Variants in BTBD9 observed in about 807,000 individuals in gnomAD.
The protein encoded by BTBD9 is BTB domain containing 9.
In BTBD9, 49 loss-of-function variants were observed where a neutral mutation model predicts 64.3. The ratio of observed to expected loss-of-function variants is 0.76; its 90% CI spans 0.61 to 0.97. BTBD9 has a LOEUF of 0.97. Among genes scored for constraint, BTBD9 ranks in the 50% least tolerant of loss-of-function variants. The probability of loss-of-function intolerance (pLI) is 0.00; values close to 1 mark genes in which losing one functional copy is unlikely to be tolerated. For synonymous variants in BTBD9, 260 were observed against 274.7 expected, an observed-to-expected ratio of 0.95 and a Z score of 0.53; for missense variants, 598 against 762.1, an observed-to-expected ratio of 0.78 and a Z score of 2.53.
intron 6 of BTBD9, among the ~76,000 whole-genome samples, chr6:38,450,771 C>T (rs1769502059): frequency 6.6e-6 from 1 of 152,106 alleles, no homozygotes; most frequent in African/African-American, 2.4e-5. Context: ...AATGCAAGTT[C>T]CTGAATCACT....
rs1405870898 is a variant in BTBD9 at position 38,580,293 on chromosome 6, G to C, written c.959C>G (p.Ser320Cys). The C allele has an allele frequency of 2.5e-6, 4 of 1,614,038 alleles. No individual in the cohort carries two copies. Among genetic ancestry groups the C allele is most frequent in the African/African-American group, 1.3e-5 (1 of 74,914 alleles). Residue 320 changes from serine (S) to cysteine (C), a missense_variant, in exon 5 of 11, where the codon TCC becomes TGC. Ser to Cys is a moderately radical substitution (Grantham distance 112). Transcript: ENST00000481247. ...SRHPIDDDCR[S>C]GIEIKLGQPS... ...CTGACCTAGCTTAATCTCGATGCCG[G>C]AACGGCAGTCATCATCAATTGGGTG...
chr6:38,401,030 G>A (rs373635931), intron 6 of BTBD9, among the ~76,000 whole-genome samples: 1 of 152,070 alleles, frequency 6.6e-6, no homozygotes, highest in African/African-American at 2.4e-5. Context: ...CTCTGTCATA[G>A]CACCCTGTTC....
At chr6:38,348,279 G>A (rs1764366816) in intron 6 of BTBD9, among the ~76,000 whole-genome samples, 1 of 152,222 alleles carries the variant, frequency 6.6e-6, no homozygotes, top group African/African-American at 2.4e-5. Context: ...CAAAACGGGA[G>A]AAGTAGGTAT....
intron 8 of BTBD9, among the ~76,000 whole-genome samples, chr6:38,264,257 AG>A (rs1561943634): frequency 6.6e-6 from 1 of 152,200 alleles, no homozygotes; most frequent in Non-Finnish European, 1.5e-5. Context: ...GATACAGGCC[AG>A]GGTCAGAGAA....
At chr6:38,639,427 C>A (rs2127539628) in intron 1 of BTBD9, among the ~76,000 whole-genome samples, 1 of 152,266 alleles carries the variant, frequency 6.6e-6, no homozygotes, top group South Asian at 2.1e-4. Flanking sequence ...CAAACCCCCA[C>A]CCCGGGGTCC....
At chr6:38,529,914 T>C (rs2127428455) in intron 6 of BTBD9, among the ~76,000 whole-genome samples, 1 of 152,232 alleles carries the variant, frequency 6.6e-6, no homozygotes, top group East Asian at 1.9e-4. Context: ...TCTGACTGCC[T>C]GCGGGGTCAG....
In BTBD9 at chr6:38,594,133, T is replaced by A; in HGVS notation, c.380A>T (p.Asp127Val). The A allele has an allele frequency of 3.7e-6, 6 of 1,614,098 alleles. No homozygotes were observed. The highest frequency in any genetic ancestry group is 5.1e-6 in the Non-Finnish European group (6 of 1,179,978). The change falls in exon 3 of 11, where the codon GAT (aspartate) becomes GTT (valine). Residue 127 changes from aspartate to valine, a missense_variant. Physicochemically the swap from Asp to Val is radical, Grantham distance 152. Coordinates refer to ENST00000481247, the MANE Select transcript of BTBD9 (RefSeq NM_001099272.2). Reference sequence around the variant, plus strand: ...GGTGCAGAGATACTCAGAGGTAGAATCCTCTAGCTCTGGAAATCCATATTT... The same window carrying A: ...GGTGCAGAGATACTCAGAGGTAGAAACCTCTAGCTCTGGAAATCCATATTT... ...AHKYGFPELEDSTSEYLCTIL... is the reference protein window; with the variant it reads ...AHKYGFPELEVSTSEYLCTIL...
chr6:38,585,695 A>C (rs1034240427), intron 4 of BTBD9, among the ~76,000 whole-genome samples: 4 of 152,196 alleles, frequency 2.6e-5, no homozygotes, highest in African/African-American at 9.7e-5. Context: ...TCTAGTTTAG[A>C]AGCCAGGGAT....
At chr6:38,244,434 C>G (rs748445672) in intron 9 of BTBD9, among the ~76,000 whole-genome samples, 1 of 152,098 alleles carries the variant, frequency 6.6e-6, no homozygotes, top group Non-Finnish European at 1.5e-5. Flanking sequence ...ATGTGATGCT[C>G]TGGCAGGCAG....
chr6:38,223,597 C>T (rs1431357982), intron 9 of BTBD9, among the ~76,000 whole-genome samples: 2 of 152,174 alleles, frequency 1.3e-5, no homozygotes, highest in African/African-American at 4.8e-5. Flanking sequence ...CTTGGCCATC[C>T]AGAGTGCTAG....
intron 6 of BTBD9, among the ~76,000 whole-genome samples, chr6:38,506,612 C>A (rs1429099919): frequency 1.3e-5 from 2 of 152,202 alleles, no homozygotes; most frequent in Non-Finnish European, 2.9e-5. Flanking sequence ...TAAGCTGAAC[C>A]ATTGTAAACT....
intron 6 of BTBD9, among the ~76,000 whole-genome samples, chr6:38,540,605 T>C (rs1014831601): frequency 2.0e-5 from 3 of 152,178 alleles, no homozygotes; most frequent in African/African-American, 7.2e-5. Context: ...CCTGGCTCTG[T>C]TCAGATTTAG....
chr6:38,347,491 TTGTAGCATA>T (rs1296327683), intron 6 of BTBD9, among the ~76,000 whole-genome samples: 1 of 152,174 alleles, frequency 6.6e-6, no homozygotes, highest in Non-Finnish European at 1.5e-5. Flanking sequence ...TAGAAAAAAA[TTGTAGCATA>T]ATTTGCAAAA....
chr6:38,193,565 G>T (rs1221739950), intron 9 of BTBD9, among the ~76,000 whole-genome samples: 1 of 152,190 alleles, frequency 6.6e-6, no homozygotes, highest in East Asian at 1.9e-4. Context: ...GCCCTGAGCA[G>T]ATCCTGAGAG....
At chr6:38,563,008 A>G (rs1490218053) in intron 6 of BTBD9, among the ~76,000 whole-genome samples, 1 of 152,082 alleles carries the variant, frequency 6.6e-6, no homozygotes, top group Non-Finnish European at 1.5e-5. Flanking sequence ...CCCATTCCTC[A>G]TCTACTTGAT....
chr6:38,219,061 T>G (rs1247059555), intron 9 of BTBD9, among the ~76,000 whole-genome samples: 3 of 151,882 alleles, frequency 2.0e-5, no homozygotes, highest in African/African-American at 7.3e-5. Flanking sequence ...TGCTGCCCAG[T>G]CTATTTCTTC....
Position 38,378,986 on chromosome 6 carries a change from T to C in BTBD9, c.1155-33893A>G, listed in dbSNP as rs185840394. Among the ~76,000 whole-genome samples, 12 of 152,062 alleles carry C rather than the reference T, an allele frequency of 7.9e-5. No individual in the cohort carries two copies. In the East Asian group the frequency reaches 2.1e-3, roughly 27 times the overall value. ...TTTGCTCTGATGTAGGGTGACCATA[T>C]AATTTATCGCCCAAACCCGGACATT... On this transcript the variant is annotated intron_variant, in intron 6 of 10. Coordinates refer to ENST00000481247, the MANE Select transcript of BTBD9 (RefSeq NM_001099272.2).
chr6:38,295,216 G>C lies in BTBD9; in HGVS notation c.1265-6755C>G, dbSNP rs556413095. Among the ~76,000 whole-genome samples the C allele has an allele frequency of 3.3e-5, 5 of 152,260 alleles. No homozygotes were observed. In the South Asian group the frequency reaches 1.0e-3, roughly 32 times the overall value. Reference sequence around the variant, plus strand: ...GTCTCATTCTGTCATCCAGGCTGGAGTGCAGTGGTACGATCACGGTTCACT... The same window carrying C: ...GTCTCATTCTGTCATCCAGGCTGGACTGCAGTGGTACGATCACGGTTCACT... On this transcript the variant is annotated intron_variant, in intron 7 of 10. Transcript: ENST00000481247.
chr6:38,374,031 G>C (rs1765531068), intron 6 of BTBD9, among the ~76,000 whole-genome samples: 1 of 151,462 alleles, frequency 6.6e-6, no homozygotes, highest in African/African-American at 2.4e-5. Flanking sequence ...AGCACTTTGG[G>C]AGGCCAAGGC....
Sources: allele counts gnomAD v4.1 joint callset (sites outside exome capture counted in the v4.1 genomes callset), GRCh38; gene constraint gnomAD v4.1.1; transcripts MANE v1.5; gene names NCBI Gene and HGNC (gene_info 2026-07-23, HGNC 2026-07-21).